MAN1C1: variants seen among roughly 807,000 people sequenced by gnomAD.
The protein encoded by MAN1C1 is mannosyl-oligosaccharide 1,2-alpha-mannosidase IC.
A neutral mutation model predicts 71.5 loss-of-function variants in MAN1C1; 49 were observed. The observed-to-expected ratio is 0.69, with a 90% CI of 0.54 to 0.87. The LOEUF is 0.87. Ranked by LOEUF, MAN1C1 falls within the 40% of genes least tolerant of loss-of-function variation. The probability of loss-of-function intolerance (pLI) is 0.00; values close to 1 mark genes in which losing one functional copy is unlikely to be tolerated. For synonymous variants in MAN1C1, 352 were observed against 343.7 expected (o/e 1.02, Z -0.27); for missense variants, 743 against 835.0 (o/e 0.89, Z 1.36).
At chr1:25,736,126 A>G (rs1186384415) in intron 2 of MAN1C1, among the ~76,000 whole-genome samples, 1 of 152,170 alleles carries the variant, frequency 6.6e-6, no homozygotes, top group Non-Finnish European at 1.5e-5. Context: ...ATGAGCGGCA[A>G]AGGGCTCTGA....
rs577157986 is a variant in MAN1C1 at position 25,624,683 on chromosome 1, C to G, written c.540+6346C>G. ...GTCAGCTGCTGCCAAGGTGAACCTT[C>G]TGGGCAAACAATTGTCACTAAATAG... On this transcript the variant is annotated intron_variant, in intron 1 of 11. Coordinates refer to ENST00000374332, the MANE Select transcript of MAN1C1 (RefSeq NM_020379.4). 1.9e-4 allele frequency among the ~76,000 whole-genome samples: 29 copies of G among 152,334 alleles called. 1 individual carries two copies. In the South Asian group the frequency reaches 5.4e-3, roughly 28 times the overall value.
Position 25,782,580 on chromosome 1 carries a change from C to T in MAN1C1, c.1651-5C>T, listed in dbSNP as rs1451556791. 6.2e-7 allele frequency: 1 copy of T among 1,608,968 alleles called. No individual in the cohort carries two copies. The highest frequency in any genetic ancestry group is 8.5e-7 in the Non-Finnish European group (1 of 1,175,322). ...TGTTTTCCTCCTCCTCTTCCCCTTC[C>T]TCAGGCCTTGGAGAAATACTGTCGG... On this transcript the variant is annotated splice_region_variant and splice_polypyrimidine_tract_variant and intron_variant, in intron 10 of 11. Coordinates refer to ENST00000374332, the MANE Select transcript of MAN1C1 (RefSeq NM_020379.4). The surrounding 1 kb of genome is among the most constrained non-coding windows in gnomAD (Gnocchi z 4.4).
intron 2 of MAN1C1, among the ~76,000 whole-genome samples, chr1:25,712,717 C>A (rs558311570): frequency 2.6e-5 from 4 of 152,186 alleles, no homozygotes; most frequent in Non-Finnish European, 4.4e-5. Context: ...ATCTTCCACC[C>A]GCTTCAACCC....
At chr1:25,670,354 C>G (rs918807889) in intron 1 of MAN1C1, among the ~76,000 whole-genome samples, 1 of 152,212 alleles carries the variant, frequency 6.6e-6, no homozygotes, top group Non-Finnish European at 1.5e-5. Context: ...TTTGTTTTCA[C>G]TTAAACCTGT....
rs532190905 is a variant in MAN1C1, at chr1:25,731,690, G to A, written c.638-14978G>A. ...GCAAGGGGAAGCCTGAGTGGCTTCT[G>A]TGAGGTTCTGGAAGGGGCCTGTGGA... On this transcript the variant is annotated intron_variant, in intron 2 of 11. Coordinates refer to ENST00000374332, the MANE Select transcript of MAN1C1 (RefSeq NM_020379.4). Among the ~76,000 whole-genome samples the A allele has an allele frequency of 9.9e-5, 15 of 152,096 alleles. 1 individual carries two copies. In the South Asian group the frequency reaches 2.7e-3, roughly 27 times the overall value.
chr1:25,618,412 C>G, intron 1 of MAN1C1, 75 bp downstream of exon 1: 1 of 1,420,152 alleles, frequency 7.0e-7, no homozygotes, highest in Non-Finnish European at 9.5e-7. Flanking sequence ...CGCTCCCACC[C>G]CTTTCCCTTG....
intron 10 of MAN1C1, among the ~76,000 whole-genome samples, chr1:25,781,799 T>C (rs2047699355): frequency 6.6e-6 from 1 of 151,714 alleles, no homozygotes; most frequent in South Asian, 2.1e-4. Context: ...CCCAGGACCA[T>C]TGTTCTTGGC....
At chr1:25,747,752 GAA>G (rs2047150475) in intron 3 of MAN1C1, among the ~76,000 whole-genome samples, 1 of 152,170 alleles carries the variant, frequency 6.6e-6, no homozygotes, top group South Asian at 2.1e-4. Flanking sequence ...GCGTCTCTTG[GAA>G]AAGTCATTGA....
intron 5 of MAN1C1, among the ~76,000 whole-genome samples, chr1:25,756,293 C>T (rs1015811636): frequency 2.6e-5 from 4 of 152,186 alleles, no homozygotes; most frequent in African/African-American, 9.7e-5. Context: ...TTTGTTGGGA[C>T]CCGGAGAAGC....
intron 2 of MAN1C1, among the ~76,000 whole-genome samples, chr1:25,731,186 T>G (rs2046904260): frequency 6.6e-6 from 1 of 152,196 alleles, no homozygotes; most frequent in South Asian, 2.1e-4. Context: ...GGCATGCTCA[T>G]GTAGTCCAGC....
intron 1 of MAN1C1, among the ~76,000 whole-genome samples, chr1:25,653,305 C>A (rs1047951959): frequency 6.6e-6 from 1 of 152,164 alleles, no homozygotes; most frequent in Non-Finnish European, 1.5e-5. Flanking sequence ...TTTCAAACTT[C>A]TGGGCTCAAG....
At chr1:25,668,284 TGAC>T (rs994986592) in intron 1 of MAN1C1, among the ~76,000 whole-genome samples, 2 of 152,062 alleles carry the variant, frequency 1.3e-5, no homozygotes, top group African/African-American at 4.8e-5. Context: ...TTACCTTGCT[TGAC>T]TTTCCTTCAC....
intron 1 of MAN1C1, among the ~76,000 whole-genome samples, chr1:25,628,780 A>G (rs1367190641): frequency 6.6e-6 from 1 of 152,182 alleles, no homozygotes; most frequent in Non-Finnish European, 1.5e-5. Flanking sequence ...AAAGTCCGTT[A>G]TATCACTTTA....
In MAN1C1 at chr1:25,768,007, A is replaced by C. The variant is rs375222965; in HGVS notation, c.1142-3650A>C. On this transcript the variant is annotated intron_variant, in intron 7 of 11. Transcript: ENST00000374332. ...ACACACACATTACATACACTCCCCCACACACACAGACCCACACACCCACAC... is the reference window on the plus strand; with the variant it reads ...ACACACACATTACATACACTCCCCCCCACACACAGACCCACACACCCACAC... Among the ~76,000 whole-genome samples, 131 of 80,706 alleles carry C rather than the reference A, an allele frequency of 1.6e-3. 1 individual carries two copies. The highest frequency in any genetic ancestry group is 2.8e-3 in the African/African-American group (59 of 20,792). The allele number at this position is 80,706 out of a possible 152,430, so 52.9% of individuals were successfully genotyped here.
At chr1:25,697,624 G>A (rs999119513) in intron 2 of MAN1C1, among the ~76,000 whole-genome samples, 3 of 152,206 alleles carry the variant, frequency 2.0e-5, no homozygotes, top group Non-Finnish European at 4.4e-5. Flanking sequence ...TTGAGGAACT[G>A]CCAGACTGTT....
intron 1 of MAN1C1, among the ~76,000 whole-genome samples, chr1:25,636,129 T>C (rs2045456806): frequency 6.6e-6 from 1 of 152,198 alleles, no homozygotes; most frequent in Non-Finnish European, 1.5e-5. Flanking sequence ...GATCACATGC[T>C]TCTGAGGAAA....
chr1:25,763,886 C>T lies in MAN1C1; in HGVS notation c.1060C>T (p.Arg354Cys), dbSNP rs1453779428. The change falls in exon 7 of 12, where the codon CGC (arginine) becomes TGC (cysteine). Residue 354 changes from arginine (R) to cysteine (C), a missense_variant. Transcript: ENST00000374332. ...CGTCTCTCGGCAGGTCAGGAACATC[C>T]GCAAGGTCCTCAGGAAGATCGAAAA... ...QVFAEKVRNI[R>C]KVLRKIEKPF... 7 of 1,613,844 alleles carry T rather than the reference C, an allele frequency of 4.3e-6. No homozygotes were observed. Among genetic ancestry groups the T allele is most frequent in the South Asian group, 1.1e-5 (1 of 91,086 alleles).
chr1:25,653,240 G>A (rs2045718459), intron 1 of MAN1C1, among the ~76,000 whole-genome samples: 1 of 151,912 alleles, frequency 6.6e-6, no homozygotes. Context: ...CACCATGCCA[G>A]GCTAATTTAT....
intron 7 of MAN1C1, among the ~76,000 whole-genome samples, chr1:25,768,248 C>A (rs2047479797): frequency 2.2e-5 from 2 of 91,494 alleles, no homozygotes; most frequent in Non-Finnish European, 4.6e-5. Flanking sequence ...TCACACACAT[C>A]CACACTCCCC....
Sources: allele counts gnomAD v4.1 joint callset (sites outside exome capture counted in the v4.1 genomes callset), GRCh38; gene constraint gnomAD v4.1.1; non-coding constraint Gnocchi (gnomAD v3.1); transcripts MANE v1.5; gene names NCBI Gene and HGNC (gene_info 2026-07-23, HGNC 2026-07-21).